The following GINS4 variants were observed in gnomAD, a reference collection of about 807,000 sequenced individuals.
The protein encoded by GINS4 is GINS complex subunit 4, also known as DNA replication complex GINS protein SLD5.
GINS4 carries 20 observed loss-of-function variants against 31.1 expected under a neutral mutation model. That is an observed-to-expected ratio of 0.64 (90% CI 0.45 to 0.93). The LOEUF (loss-of-function observed/expected upper bound fraction) is 0.93. Among genes scored for constraint, GINS4 ranks in the 40% least tolerant of loss-of-function variants. The pLI is 0.00. For synonymous variants in GINS4, 85 were observed against 97.9 expected (o/e 0.87, Z 0.78); for missense variants, 245 against 273.9 (o/e 0.89, Z 0.75).
Position 41,542,115 on chromosome 8 carries a change from G to A in GINS4, c.*28G>A, listed in dbSNP as rs779145522. The A allele has an allele frequency of 6.4e-7, 1 of 1,551,336 alleles. No individual in the cohort carries two copies. The highest frequency in any genetic ancestry group is 1.1e-5 in the South Asian group (1 of 89,870). On this transcript the variant is annotated 3_prime_UTR_variant, in exon 8 of 8. Transcript: ENST00000276533. Reference sequence around the variant, plus strand: ...CTAGGCATAAACAGCCAGGCATGGTGACTCAAGCCTGTAATCCCAGCACTT... The same window carrying A: ...CTAGGCATAAACAGCCAGGCATGGTAACTCAAGCCTGTAATCCCAGCACTT...
At chr8:41,534,560 G>A (rs1806708252) in intron 2 of GINS4, 1 of 172,366 alleles carries the variant, frequency 5.8e-6, no homozygotes, top group Non-Finnish European at 1.3e-5. Context: ...AAATGAAGTG[G>A]TCCCCAATAC....
chr8:41,541,001 G>A (rs746731870), intron 6 of GINS4, among the ~76,000 whole-genome samples: 1 of 152,118 alleles, frequency 6.6e-6, no homozygotes, highest in Non-Finnish European at 1.5e-5. Context: ...ACTTTTATAA[G>A]ATCACTAATC....
At position 41,542,006 on chromosome 8, in the gene GINS4, C is replaced by T. The variant is rs1806849840; in HGVS notation, c.591C>T (p.Asp197=). 2.5e-6 allele frequency: 4 copies of T among 1,614,086 alleles called. No homozygotes were observed. The highest frequency in any genetic ancestry group is 2.2e-5 in the East Asian group (1 of 44,892). Residue 197 remains aspartate, a synonymous_variant, in exon 8 of 8, where the codon GAC becomes GAT. Coordinates refer to ENST00000276533, the MANE Select transcript of GINS4 (RefSeq NM_032336.3). ...TCTTTTTCAGGGACTACGTGATTGA[C>T]CTGGAGAAGGGCTCACAGCACTTGA... ...DTDEQRDYVI[D]LEKGSQHLIR...
At chr8:41,541,668 C>G in intron 6 of GINS4, 141 bp from the exon 7 acceptor site, 1 of 653,186 alleles carries the variant, frequency 1.5e-6, no homozygotes, top group Non-Finnish European at 2.7e-6. Context: ...GTCAGCCACT[C>G]TGTCTGCATC....
At chr8:41,536,722 T>TA (rs1345086909) in intron 3 of GINS4, among the ~76,000 whole-genome samples, 2 of 152,244 alleles carry the variant, frequency 1.3e-5, no homozygotes, top group African/African-American at 4.8e-5. Flanking sequence ...TCCATCCATG[T>TA]ACTCCCTGCT....
At chr8:41,531,813 A>G (rs1806651451) in intron 2 of GINS4, among the ~76,000 whole-genome samples, 1 of 152,194 alleles carries the variant, frequency 6.6e-6, no homozygotes, top group Non-Finnish European at 1.5e-5. Context: ...GGCACATAGC[A>G]TAAAGGAAAA....
At position 41,542,347 on chromosome 8, in the gene GINS4, G is replaced by C; in HGVS notation, c.*260G>C. On this transcript the variant is annotated 3_prime_UTR_variant, in exon 8 of 8. Coordinates refer to ENST00000276533, the MANE Select transcript of GINS4 (RefSeq NM_032336.3). ...TGCAGTGAGCCGAGGTCGTGCCATT[G>C]CACTCCAGCCTGGGTGACAGTGAGA... is the stretch of plus-strand genomic sequence containing the variant. 1 of 464,710 alleles carries C rather than the reference G, an allele frequency of 2.2e-6. No individual in the cohort carries two copies. The allele number at this position is 464,710 out of a possible 1,614,324, so 28.8% of individuals were successfully genotyped here.
chr8:41,533,106 T>C (rs1346012631), intron 2 of GINS4, among the ~76,000 whole-genome samples: 1 of 151,994 alleles, frequency 6.6e-6, no homozygotes, highest in East Asian at 1.9e-4. Context: ...ATTGAGAAAA[T>C]ATACCATACA....
chr8:41,536,718 C>T (rs950070056), intron 3 of GINS4, among the ~76,000 whole-genome samples: 5 of 152,236 alleles, frequency 3.3e-5, no homozygotes, highest in South Asian at 2.1e-4. Context: ...GCTGTCCATC[C>T]ATGTACTCCC....
At chr8:41,538,486 C>T (rs1423202281) in intron 4 of GINS4, among the ~76,000 whole-genome samples, 1 of 152,100 alleles carries the variant, frequency 6.6e-6, no homozygotes, top group Non-Finnish European at 1.5e-5. Flanking sequence ...GGACACTAAC[C>T]CCTTTTAAGA....
At chr8:41,533,696 A>G (rs1806689217) in intron 2 of GINS4, among the ~76,000 whole-genome samples, 1 of 152,230 alleles carries the variant, frequency 6.6e-6, no homozygotes, top group Non-Finnish European at 1.5e-5. Flanking sequence ...CCTGTAGTGC[A>G]GATTTGCTCA....
Position 41,530,243 on chromosome 8 carries a change from G to C in GINS4, c.41G>C (p.Gly14Ala). 1 of 1,614,044 alleles carries C rather than the reference G, an allele frequency of 6.2e-7. No homozygotes were observed. The highest frequency in any genetic ancestry group is 8.5e-7 in the Non-Finnish European group (1 of 1,179,924). The change falls in exon 2 of 8, where the codon GGG becomes GCG. Residue 14 changes from glycine (G) to alanine (A), a missense_variant. Physicochemically the swap from Gly to Ala is moderately conservative, Grantham distance 60. Transcript: ENST00000276533. ...EVDFLGQDSDGGSEEVVLTPA... is the reference protein window; with the variant it reads ...EVDFLGQDSDAGSEEVVLTPA... ...GATTTCCTGGGACAGGACTCTGATGGGGGTAGTGAGGAAGTGGTCCTAACT... is the reference window on the plus strand; with the variant it reads ...GATTTCCTGGGACAGGACTCTGATGCGGGTAGTGAGGAAGTGGTCCTAACT...
chr8:41,535,277 G>A (rs1358418035), intron 2 of GINS4, among the ~76,000 whole-genome samples: 1 of 152,174 alleles, frequency 6.6e-6, no homozygotes, highest in African/African-American at 2.4e-5. Context: ...GGCAGAGGCT[G>A]CAGTGAGCTG....
intron 2 of GINS4, 118 bp from the exon 3 acceptor site, chr8:41,536,242 T>C (rs1806738558): frequency 1.4e-6 from 1 of 735,930 alleles, no homozygotes; most frequent in African/African-American, 1.7e-5. Flanking sequence ...TTCCAGTTGG[T>C]GGGCAGACAG....
chr8:41,531,198 G>A (rs1432085354), intron 2 of GINS4, among the ~76,000 whole-genome samples: 1 of 152,216 alleles, frequency 6.6e-6, no homozygotes, highest in African/African-American at 2.4e-5. Context: ...CCTGAACCTG[G>A]GAGGCAGAGG....
chr8:41,542,071 C>T lies in GINS4; in HGVS notation c.656C>T (p.Ala219Val), dbSNP rs528229647. The change falls in exon 8 of 8, where the codon GCT (alanine) becomes GTT (valine). Residue 219 changes from alanine (A) to valine (V), a missense_variant. Coordinates refer to ENST00000276533, the MANE Select transcript of GINS4 (RefSeq NM_032336.3). ...KTIAPLVASG[A>V]VQLI ...ATTGCACCTCTGGTTGCATCTGGAG[C>T]TGTCCAGCTAATTTAAAACTAGGCA... is the stretch of plus-strand genomic sequence containing the variant. 1.1e-5 allele frequency: 17 copies of T among 1,613,590 alleles called. No individual in the cohort carries two copies. The highest frequency in any genetic ancestry group is 1.3e-5 in the African/African-American group (1 of 74,912).
chr8:41,536,289 T>C (rs1806739615), intron 2 of GINS4, 71 bp from the exon 3 acceptor site: 1 of 909,540 alleles, frequency 1.1e-6, no homozygotes, highest in Admixed American at 1.7e-5. Context: ...TTCGTTGGAC[T>C]TGGGCTGACT....
At chr8:41,537,424 C>T in intron 4 of GINS4, 131 bp downstream of exon 4, 1 of 628,222 alleles carries the variant, frequency 1.6e-6, no homozygotes, top group Non-Finnish European at 2.9e-6. Context: ...GCCCAATATC[C>T]ATGTAGCTAA....
Position 41,542,407 on chromosome 8 carries a change from A to C in GINS4, c.*320A>C, listed in dbSNP as rs1045903336. 4 of 368,314 alleles carry C rather than the reference A, an allele frequency of 1.1e-5. No homozygotes were observed. The highest frequency in any genetic ancestry group is 2.0e-5 in the Non-Finnish European group (4 of 196,674). 22.8% of individuals were successfully genotyped at this position (368,314 alleles called of 1,614,324 possible). A position where few individuals can be genotyped will look rare whatever the true frequency, so the allele number is the denominator to read the frequency against. ...AAAAAAAAAAACAAAAAACAAAAAA[A>C]AAACAAACTAGGCATAAACTCATGA... On this transcript the variant is annotated 3_prime_UTR_variant, in exon 8 of 8. Coordinates refer to ENST00000276533, the MANE Select transcript of GINS4 (RefSeq NM_032336.3).
Sources: allele counts gnomAD v4.1 joint callset (sites outside exome capture counted in the v4.1 genomes callset), GRCh38; gene constraint gnomAD v4.1.1; transcripts MANE v1.5; gene names NCBI Gene and HGNC (gene_info 2026-07-23, HGNC 2026-07-21).